GDPD1: variants seen among roughly 807,000 people sequenced by gnomAD.
GDPD1 encodes glycerophosphodiester phosphodiesterase domain containing 1.
A neutral mutation model predicts 45.1 loss-of-function variants in GDPD1; 28 were observed. The ratio of observed to expected loss-of-function variants is 0.62; its 90% CI spans 0.46 to 0.85. The LOEUF (loss-of-function observed/expected upper bound fraction) is 0.85. GDPD1 is among the 40% of genes least tolerant of loss of function. The pLI, the probability that GDPD1 is intolerant of heterozygous loss-of-function variation, is 0.00. For synonymous variants in GDPD1, 139 were observed against 131.4 expected (o/e 1.06, Z -0.40); for missense variants, 256 against 364.8 (o/e 0.70, Z 2.43).
intron 3 of GDPD1, among the ~76,000 whole-genome samples, chr17:59,246,865 T>G (rs2047216444): frequency 6.6e-6 from 1 of 151,460 alleles, no homozygotes; most frequent in Admixed American, 6.6e-5. Flanking sequence ...CCTCCCAGGT[T>G]CAAGCTAGTC....
At chr17:59,223,819 G>A (rs1188894287) in intron 1 of GDPD1, among the ~76,000 whole-genome samples, 1 of 152,206 alleles carries the variant, frequency 6.6e-6, no homozygotes, top group African/African-American at 2.4e-5. Flanking sequence ...GCCGAGGCAG[G>A]AGAATCACTT....
rs1298124888 is a variant in GDPD1, at chr17:59,275,749, G to A, written c.*1976G>A. The A allele has an allele frequency of 6.6e-6, 1 of 152,308 alleles. No individual in the cohort carries two copies. Among genetic ancestry groups the A allele is most frequent in the Non-Finnish European group, 1.5e-5 (1 of 68,176 alleles). 9.4% of individuals were successfully genotyped at this position (152,308 alleles called of 1,614,324 possible). The stretch of plus-strand genomic sequence containing the variant: ...CTCAGTTTATCTGAGGTGACTTCGT[G>A]TACATCTGTTTCTAATATATTTGAC... On this transcript the variant is annotated 3_prime_UTR_variant, in exon 10 of 10. Coordinates refer to ENST00000284116, the MANE Select transcript of GDPD1 (RefSeq NM_182569.4).
intron 2 of GDPD1, among the ~76,000 whole-genome samples, chr17:59,237,466 A>G (rs1257244603): frequency 6.6e-6 from 1 of 152,164 alleles, no homozygotes; most frequent in Admixed American, 6.6e-5. Flanking sequence ...TTAAAATACT[A>G]AAGAGTTGTA....
chr17:59,223,392 A>T (rs1368860754), intron 1 of GDPD1, among the ~76,000 whole-genome samples: 1 of 152,170 alleles, frequency 6.6e-6, no homozygotes, highest in Non-Finnish European at 1.5e-5. Context: ...GAATATGTAC[A>T]CTCAATACTC....
At chr17:59,252,826 C>T (rs1343040838) in intron 4 of GDPD1, among the ~76,000 whole-genome samples, 1 of 152,022 alleles carries the variant, frequency 6.6e-6, no homozygotes, top group Non-Finnish European at 1.5e-5. Context: ...ATGGTGAAAC[C>T]CCGTCTCTAC....
Position 59,272,764 on chromosome 17 carries a change from GT to G in GDPD1, c.771-17del. 1 of 1,463,774 alleles carries G rather than the reference GT, an allele frequency of 6.8e-7. No individual in the cohort carries two copies. 90.7% of individuals were successfully genotyped at this position (1,463,774 alleles called of 1,614,324 possible). On this transcript the variant is annotated intron_variant, in intron 8 of 9. Coordinates refer to ENST00000284116, the MANE Select transcript of GDPD1 (RefSeq NM_182569.4). ...GACTAAGGACTAAATTCCTAAATCA[GT>G]TTTGCTTTTTCTTTTCTAGCTTACT...
chr17:59,254,675 G>A (rs905715264), intron 4 of GDPD1, among the ~76,000 whole-genome samples: 1 of 152,150 alleles, frequency 6.6e-6, no homozygotes, highest in African/African-American at 2.4e-5. Flanking sequence ...AATTAAAAAT[G>A]AATATATTGG....
intron 4 of GDPD1, among the ~76,000 whole-genome samples, chr17:59,251,906 G>T (rs1209955276): frequency 2.0e-5 from 3 of 149,274 alleles, no homozygotes; most frequent in Non-Finnish European, 4.4e-5. Context: ...ACCTAGGGAG[G>T]CTGAGGTGGG....
intron 2 of GDPD1, among the ~76,000 whole-genome samples, chr17:59,235,710 G>T (rs1468096593): frequency 1.3e-5 from 2 of 152,016 alleles, no homozygotes; most frequent in South Asian, 4.2e-4. Flanking sequence ...CCAGCTACTC[G>T]GGAGTCTGGG....
At chr17:59,228,472 A>AT (rs1450318526) in intron 1 of GDPD1, among the ~76,000 whole-genome samples, 2 of 152,218 alleles carry the variant, frequency 1.3e-5, no homozygotes, top group Non-Finnish European at 2.9e-5. Flanking sequence ...AGAGCTATGC[A>AT]TAAGAGACTA....
At chr17:59,255,835 A>ATATATATATATATACACG (rs1568346903) in intron 4 of GDPD1, among the ~76,000 whole-genome samples, 5 of 84,690 alleles carry the variant, frequency 5.9e-5, no homozygotes, top group African/African-American at 3.2e-4. Flanking sequence ...ATACGCGTAT[A>ATATATATATATATACACG]TATATATATA....
intron 1 of GDPD1, among the ~76,000 whole-genome samples, chr17:59,223,868 G>A (rs183587364): frequency 2.0e-5 from 3 of 152,272 alleles, no homozygotes; most frequent in Admixed American, 1.3e-4. Context: ...CCGAGATGGT[G>A]CCACTGCACT....
chr17:59,255,762 A>AAAAAAT (rs1281572220), intron 4 of GDPD1, among the ~76,000 whole-genome samples: 10 of 44,352 alleles, frequency 2.3e-4, no homozygotes, highest in Non-Finnish European at 2.8e-4. Flanking sequence ...AAAAAAAAAA[A>AAAAAAT]ATATATATAT....
chr17:59,229,154 T>TATG (rs966445702), intron 1 of GDPD1, among the ~76,000 whole-genome samples: 4 of 145,746 alleles, frequency 2.7e-5, no homozygotes, highest in African/African-American at 1.0e-4. Context: ...TTATTATTAT[T>TATG]ATTATTATTA....
chr17:59,227,685 C>T (rs905006662), intron 1 of GDPD1, among the ~76,000 whole-genome samples: 1 of 152,000 alleles, frequency 6.6e-6, no homozygotes, highest in African/African-American at 2.4e-5. Context: ...AATGTTTACT[C>T]TAGTATTTCA....
At chr17:59,230,387 T>TC (rs1422271444) in intron 1 of GDPD1, among the ~76,000 whole-genome samples, 1 of 142,470 alleles carries the variant, frequency 7.0e-6, no homozygotes, top group Non-Finnish European at 1.5e-5. Flanking sequence ...TTTTTTTTTT[T>TC]TTTTTTTTTT....
chr17:59,250,449 C>T (rs1289479749), intron 4 of GDPD1, among the ~76,000 whole-genome samples: 1 of 151,558 alleles, frequency 6.6e-6, no homozygotes. Context: ...AGCAAGACCC[C>T]GTCTCTAAAA....
chr17:59,270,254 C>T (rs540447624), intron 7 of GDPD1, among the ~76,000 whole-genome samples: 10 of 151,054 alleles, frequency 6.6e-5, no homozygotes, highest in African/African-American at 1.9e-4. Flanking sequence ...AGTGCAGTGG[C>T]GCAGTCTTGG....
At chr17:59,236,041 G>A (rs2047129569) in intron 2 of GDPD1, among the ~76,000 whole-genome samples, 1 of 151,936 alleles carries the variant, frequency 6.6e-6, no homozygotes, top group African/African-American at 2.4e-5. Context: ...TATAACTTGA[G>A]AAAAAAACTA....
Sources: gnomAD v4.1 joint callset for allele counts (sites outside exome capture counted in the v4.1 genomes callset) on GRCh38, gnomAD v4.1.1 for gene constraint, MANE v1.5 for transcripts, NCBI Gene and HGNC (gene_info 2026-07-23, HGNC 2026-07-21) for gene names.